Variants in STK32B observed in about 807,000 individuals in gnomAD.
STK32B encodes serine/threonine-protein kinase 32B.
A neutral mutation model predicts 52.6 loss-of-function variants in STK32B; 43 were observed. The observed-to-expected ratio is 0.82, with a 90% CI of 0.64 to 1.05. The LOEUF (loss-of-function observed/expected upper bound fraction) is 1.05. STK32B is among the 50% of genes least tolerant of loss of function. The probability of loss-of-function intolerance (pLI) is 0.00; values close to 1 mark genes in which losing one functional copy is unlikely to be tolerated. For synonymous variants in STK32B, 238 were observed against 204.3 expected (o/e 1.17, Z -1.41); for missense variants, 621 against 534.6 (o/e 1.16, Z -1.59).
At chr4:5,205,509 G>A (rs1403609957) in intron 3 of STK32B, among the ~76,000 whole-genome samples, 9 of 152,132 alleles carry the variant, frequency 5.9e-5, no homozygotes, top group Admixed American at 4.6e-4. Flanking sequence ...CACTGACAGC[G>A]CTGTGGGTGT....
At chr4:5,439,697 G>GTA (rs1313575761) in intron 6 of STK32B, among the ~76,000 whole-genome samples, 1 of 152,184 alleles carries the variant, frequency 6.6e-6, no homozygotes, top group African/African-American at 2.4e-5. Context: ...GTCCTGAATG[G>GTA]TAATTCCCAA....
At chr4:5,349,530 T>G (rs1733693081) in intron 4 of STK32B, among the ~76,000 whole-genome samples, 3 of 151,758 alleles carry the variant, frequency 2.0e-5, no homozygotes, top group African/African-American at 7.3e-5. Flanking sequence ...AAAAAGTGAC[T>G]ATTATGCCAG....
chr4:5,450,236 C>G (rs736307), intron 7 of STK32B, among the ~76,000 whole-genome samples: 45,977 of 152,076 alleles, frequency 0.3, 8,022 homozygotes, highest in East Asian at 0.81. Context: ...GGGGCCACTC[C>G]CCAGAATTCC....
intron 3 of STK32B, among the ~76,000 whole-genome samples, chr4:5,197,443 C>T (rs1391196249): frequency 6.6e-6 from 1 of 152,200 alleles, no homozygotes; most frequent in East Asian, 1.9e-4. Flanking sequence ...CTCTTACGAC[C>T]ACCCAGTCCT....
intron 1 of STK32B, among the ~76,000 whole-genome samples, chr4:5,070,831 A>G (rs1468747379): frequency 3.3e-5 from 5 of 152,082 alleles, no homozygotes; most frequent in African/African-American, 1.2e-4. Context: ...CTGTGGATAA[A>G]ACCCACTTAT....
intron 4 of STK32B, among the ~76,000 whole-genome samples, chr4:5,370,462 C>A (rs1374545725): frequency 6.6e-6 from 1 of 152,150 alleles, no homozygotes; most frequent in Non-Finnish European, 1.5e-5. Context: ...TTTGTTTACA[C>A]TTCTGTAATG....
chr4:5,110,326 C>G (rs561733902), intron 1 of STK32B, among the ~76,000 whole-genome samples: 1 of 132,324 alleles, frequency 7.6e-6, no homozygotes, highest in African/African-American at 2.8e-5. Flanking sequence ...GCAAAATGAA[C>G]AAATCTAGAG....
chr4:5,436,671 A>G (rs988507425), intron 6 of STK32B: 40 of 985,242 alleles, frequency 4.1e-5, no homozygotes, highest in Non-Finnish European at 4.3e-5. Context: ...TACACGCGCT[A>G]TTAGGAGTTA....
intron 6 of STK32B, among the ~76,000 whole-genome samples, chr4:5,433,698 C>A (rs1049705788): frequency 2.0e-5 from 3 of 152,204 alleles, no homozygotes; most frequent in African/African-American, 4.8e-5. Context: ...AGGCTGTCAG[C>A]TCGCAGGCTA....
At chr4:5,202,866 C>T (rs1007548651) in intron 3 of STK32B, among the ~76,000 whole-genome samples, 4 of 152,194 alleles carry the variant, frequency 2.6e-5, no homozygotes, top group African/African-American at 7.2e-5. Flanking sequence ...GATGACTGGG[C>T]ATGGTGCCAC....
chr4:5,198,326 GC>G (rs1240128963), intron 3 of STK32B, among the ~76,000 whole-genome samples: 1 of 152,218 alleles, frequency 6.6e-6, no homozygotes, highest in Non-Finnish European at 1.5e-5. Flanking sequence ...CTGTGGAAAT[GC>G]CTCTTTGACC....
At chr4:5,429,097 T>C (rs2109088439) in intron 6 of STK32B, among the ~76,000 whole-genome samples, 1 of 152,352 alleles carries the variant, frequency 6.6e-6, no homozygotes. Flanking sequence ...TGGGAAGAGA[T>C]GCTAACAGTA....
intron 4 of STK32B, among the ~76,000 whole-genome samples, chr4:5,341,293 G>A (rs990680655): frequency 6.6e-6 from 1 of 152,144 alleles, no homozygotes. Context: ...TAACTGGAAC[G>A]TGACTTGTAG....
intron 1 of STK32B, among the ~76,000 whole-genome samples, chr4:5,136,274 G>A (rs536301299): frequency 6.6e-6 from 1 of 152,224 alleles, no homozygotes; most frequent in Non-Finnish European, 1.5e-5. Flanking sequence ...GGCAAGGCAG[G>A]TGCCACTGTC....
chr4:5,298,804 G>T (rs1729372191), intron 3 of STK32B, among the ~76,000 whole-genome samples: 1 of 151,118 alleles, frequency 6.6e-6, no homozygotes, highest in Admixed American at 6.6e-5. Context: ...GAATGGTTCT[G>T]TCTCACTGGG....
chr4:5,222,148 G>T (rs1723579234), intron 3 of STK32B, among the ~76,000 whole-genome samples: 1 of 152,136 alleles, frequency 6.6e-6, no homozygotes, highest in African/African-American at 2.4e-5. Context: ...ACAGCCTCCA[G>T]AACTGTGACA....
chr4:5,297,635 G>GTTTTTTTTTTTTTTTTTTTT (rs200463444), intron 3 of STK32B, among the ~76,000 whole-genome samples: 1 of 126,932 alleles, frequency 7.9e-6, no homozygotes, highest in Non-Finnish European at 1.8e-5. Context: ...GGTCATTTAT[G>GTTTTTTTTTTTTTTTTTTTT]TTTTTTTTTT....
chr4:5,172,922 G>T (rs1006968700), intron 3 of STK32B, among the ~76,000 whole-genome samples: 1 of 152,196 alleles, frequency 6.6e-6, no homozygotes, highest in Admixed American at 6.5e-5. Flanking sequence ...GAATTCGGCT[G>T]TGAATCCGTC....
intron 1 of STK32B, among the ~76,000 whole-genome samples, chr4:5,138,525 ATTC>A (rs1716214501): frequency 6.6e-6 from 1 of 152,222 alleles, no homozygotes; most frequent in East Asian, 1.9e-4. Context: ...AGATTAGTTC[ATTC>A]AGTCATTCCT....
Sources: allele counts gnomAD v4.1 joint callset (sites outside exome capture counted in the v4.1 genomes callset), GRCh38; gene constraint gnomAD v4.1.1; transcripts MANE v1.5; gene names NCBI Gene and HGNC (gene_info 2026-07-23, HGNC 2026-07-21).